The following USPL1 variants were observed in gnomAD, a reference collection of about 807,000 sequenced individuals.
USPL1 encodes the protein ubiquitin specific peptidase like 1.
Under a neutral mutation model 51.5 loss-of-function variants are expected in USPL1, and 27 were observed. The observed-to-expected ratio is 0.52, with a 90% confidence interval of 0.39 to 0.72. The LOEUF (loss-of-function observed/expected upper bound fraction) is 0.72. USPL1 is among the 30% of genes least tolerant of loss of function. The probability of loss-of-function intolerance (pLI) is 0.00; values close to 1 mark genes in which losing one functional copy is unlikely to be tolerated. For synonymous variants in USPL1, 451 were observed against 459.6 expected (o/e 0.98, Z 0.24); for missense variants, 1,226 against 1,268.0 (o/e 0.97, Z 0.50).
At chr13:30,639,693 A>C (rs1861958907) in intron 5 of USPL1, among the ~76,000 whole-genome samples, 1 of 152,166 alleles carries the variant, frequency 6.6e-6, no homozygotes, top group South Asian at 2.1e-4. Flanking sequence ...CACCAGGTTC[A>C]TCACCCCCAG....
intron 5 of USPL1, among the ~76,000 whole-genome samples, chr13:30,639,222 GTA>G (rs61182649): frequency 0.44 from 64,051 of 144,074 alleles, 15,041 homozygotes; most frequent in African/African-American, 0.63. Flanking sequence ...CTCAAAAAAT[GTA>G]TATATATATA....
At position 30,621,219 on chromosome 13, in the gene USPL1, A is replaced by C. The variant is rs1276350111; in HGVS notation, c.79A>C (p.Met27Leu). The change falls in exon 2 of 9, where the codon ATG becomes CTG. Residue 27 changes from methionine (M) to leucine (L), a missense_variant. By Grantham distance (15) the Met-to-Leu change is conservative (BLOSUM62 2). Transcript: ENST00000255304. ...GTDIGISSLH[M>L]VGYLGKNFDS... ...TGATATAGGGATATCTTCACTCCACATGGTGGGGTATTTGGGAAAAGTTAG... is the reference window on the plus strand; with the variant it reads ...TGATATAGGGATATCTTCACTCCACCTGGTGGGGTATTTGGGAAAAGTTAG... 1 of 1,592,360 alleles carries C rather than the reference A, an allele frequency of 6.3e-7. No individual in the cohort carries two copies. The highest frequency in any genetic ancestry group is 8.5e-7 in the Non-Finnish European group (1 of 1,172,644).
At chr13:30,628,547 C>G (rs556943598) in intron 3 of USPL1, among the ~76,000 whole-genome samples, 4 of 152,288 alleles carry the variant, frequency 2.6e-5, no homozygotes, top group Admixed American at 2.0e-4. Context: ...TAGCCCCCTA[C>G]CCGCCGACAG....
At position 30,630,743 on chromosome 13, in the gene USPL1, C is replaced by T. The variant is rs572704579; in HGVS notation, c.229-92C>T. 1.5e-5 allele frequency: 20 copies of T among 1,319,794 alleles called. No homozygotes were observed. In the South Asian group the frequency reaches 2.9e-4, roughly 19 times the overall value. The allele number at this position is 1,319,794 out of a possible 1,614,324, so 81.8% of individuals were successfully genotyped here. A position where few individuals can be genotyped will look rare whatever the true frequency, so the allele number is the denominator to read the frequency against. ...TAACCTGTCATCAAATCAATGCTAA[C>T]ATTCTATACATGTTTTTCATGATAT... On this transcript the variant is annotated intron_variant, in intron 3 of 8. Coordinates refer to ENST00000255304, the MANE Select transcript of USPL1 (RefSeq NM_005800.5).
At chr13:30,650,587 AAAAAG>A (rs918050441) in intron 7 of USPL1, among the ~76,000 whole-genome samples, 1 of 152,034 alleles carries the variant, frequency 6.6e-6, no homozygotes, top group Non-Finnish European at 1.5e-5. Context: ...AAAAAAAAAA[AAAAAG>A]AAAGAAATGC....
intron 7 of USPL1, among the ~76,000 whole-genome samples, chr13:30,650,489 A>G (rs571413128): frequency 4.6e-4 from 69 of 151,572 alleles, no homozygotes; most frequent in Non-Finnish European, 7.4e-4. Flanking sequence ...AGACATTAGT[A>G]CTGCTTGAAC....
At chr13:30,623,441 T>C (rs145070258) in intron 3 of USPL1, among the ~76,000 whole-genome samples, 6 of 152,274 alleles carry the variant, frequency 3.9e-5, no homozygotes, top group African/African-American at 1.4e-4. Context: ...GTTAAAAGCA[T>C]TACTGTGGCT....
chr13:30,658,397 T>C lies in USPL1; in HGVS notation c.2320T>C (p.Cys774Arg). 2 of 1,613,684 alleles carry C rather than the reference T, an allele frequency of 1.2e-6. No homozygotes were observed. The highest frequency in any genetic ancestry group is 1.7e-6 in the Non-Finnish European group (2 of 1,180,018). The part of the protein sequence containing the change: ...ISRGASFMPL[C>R]VSAHNRNTIT... ...CAGGGGTGCTTCTTTTATGCCACTC[T>C]GTGTTTCAGCTCATAATAGAAACAC... Residue 774 changes from cysteine to arginine, a missense_variant, in exon 9 of 9, where the codon TGT becomes CGT. Cys to Arg is a radical substitution (Grantham distance 180). Coordinates refer to ENST00000255304, the MANE Select transcript of USPL1 (RefSeq NM_005800.5).
intron 7 of USPL1, among the ~76,000 whole-genome samples, chr13:30,648,671 T>C (rs185565872): frequency 9.7e-4 from 148 of 152,356 alleles, no homozygotes; most frequent in Non-Finnish European, 1.9e-3. Context: ...TGACTTCTTA[T>C]TTGCTTATTT....
intron 3 of USPL1, among the ~76,000 whole-genome samples, chr13:30,624,533 G>A (rs1027671663): frequency 5.3e-5 from 8 of 152,162 alleles, no homozygotes; most frequent in African/African-American, 1.4e-4. Context: ...ACGGGTGCAC[G>A]GCACCATGCC....
rs774361891 is a variant in USPL1 at position 30,621,788 on chromosome 13, T to C, written c.124T>C (p.Ser42Pro). 5 of 1,551,352 alleles carry C rather than the reference T, an allele frequency of 3.2e-6. No individual in the cohort carries two copies. The African/African-American group carries it at 7.0e-5, about 22-fold the overall frequency. Residue 42 changes from serine (S) to proline (P), a missense_variant, in exon 3 of 9, where the codon TCA becomes CCA. Physicochemically the swap from Ser to Pro is moderately conservative, Grantham distance 74 (BLOSUM62 -1). Coordinates refer to ENST00000255304, the MANE Select transcript of USPL1 (RefSeq NM_005800.5). ...GKNFDSAKVP[S>P]DEYCPACREK... ...GAATTTTGATTCAGCTAAAGTTCCA[T>C]CAGATGAGTATTGCCCTGCTTGTAG...
chr13:30,634,841 A>G (rs1414135829), intron 4 of USPL1, among the ~76,000 whole-genome samples: 1 of 152,138 alleles, frequency 6.6e-6, no homozygotes, highest in African/African-American at 2.4e-5. Flanking sequence ...TGATCCATAT[A>G]TTCTTCTTGG....
At chr13:30,636,062 A>C (rs1950871799) in intron 4 of USPL1, among the ~76,000 whole-genome samples, 1 of 152,086 alleles carries the variant, frequency 6.6e-6, no homozygotes, top group African/African-American at 2.4e-5. Context: ...TTGAGACTGA[A>C]CTTTTTTGTG....
intron 3 of USPL1, among the ~76,000 whole-genome samples, chr13:30,629,804 G>A (rs1950776129): frequency 6.6e-6 from 1 of 152,108 alleles, no homozygotes; most frequent in South Asian, 2.1e-4. Flanking sequence ...GTGTGCTAAT[G>A]TTCCATCAAA....
intron 3 of USPL1, among the ~76,000 whole-genome samples, chr13:30,625,444 G>GTTTTTTTTTT (rs926283215): frequency 5.0e-5 from 6 of 118,940 alleles, no homozygotes; most frequent in African/African-American, 7.0e-5. Flanking sequence ...TTTGTTTTTT[G>GTTTTTTTTTT]TTTTTTTTTT....
intron 4 of USPL1, among the ~76,000 whole-genome samples, chr13:30,633,784 C>CAAAAAAA (rs61682331): frequency 1.5e-4 from 6 of 41,256 alleles, no homozygotes; most frequent in East Asian, 6.5e-4. Flanking sequence ...GACTCTGTCT[C>CAAAAAAA]AAAAAAAAAA....
chr13:30,658,898 GA>G lies in USPL1; in HGVS notation c.2822del (p.Glu941GlyfsTer32). ...DCESIEDLLN[E>X]LPYPIDIASE... ...TGAATCAATAGAGGACTTGTTAAAT[GA>G]GCTACCATATCCAATTGATATTGCC... On this transcript the variant is annotated frameshift_variant, in exon 9 of 9. Transcript: ENST00000255304. LOFTEE classifies it low-confidence loss of function (END_TRUNC). The G allele has an allele frequency of 6.2e-7, 1 of 1,614,140 alleles. No individual in the cohort carries two copies. The highest frequency in any genetic ancestry group is 1.1e-5 in the South Asian group (1 of 91,088).
At chr13:30,630,119 G>A (rs1231635604) in intron 3 of USPL1, among the ~76,000 whole-genome samples, 3 of 152,058 alleles carry the variant, frequency 2.0e-5, no homozygotes, top group African/African-American at 7.3e-5. Flanking sequence ...TGGGAATACG[G>A]GAGTGTACTG....
intron 3 of USPL1, among the ~76,000 whole-genome samples, chr13:30,627,613 G>C (rs1950736673): frequency 6.6e-6 from 1 of 151,584 alleles, no homozygotes; most frequent in Non-Finnish European, 1.5e-5. Flanking sequence ...CATATACCAT[G>C]ATCTTGACTA....
Sources: allele counts gnomAD v4.1 joint callset (sites outside exome capture counted in the v4.1 genomes callset), GRCh38; gene constraint gnomAD v4.1.1; transcripts MANE v1.5; gene names NCBI Gene and HGNC (gene_info 2026-07-23, HGNC 2026-07-21).